The following CDC37L1 variants were observed in gnomAD, a reference collection of about 807,000 sequenced individuals.
CDC37L1 encodes hsp90 co-chaperone Cdc37-like 1.
In CDC37L1, 32 loss-of-function variants were observed where a neutral mutation model predicts 45.9. That is an observed-to-expected ratio of 0.70 (90% CI 0.53 to 0.94). The LOEUF (loss-of-function observed/expected upper bound fraction) is 0.94, where lower values mean the gene tolerates loss of function less well. Among genes scored for constraint, CDC37L1 ranks in the 40% least tolerant of loss-of-function variants. The pLI, the probability that CDC37L1 is intolerant of heterozygous loss-of-function variation, is 0.00. For missense variants in CDC37L1, 434 were observed against 405.7 expected (o/e 1.07, Z -0.60); for synonymous variants, 150 against 133.0 (o/e 1.13, Z -0.88).
At chr9:4,693,533 G>C (rs1841320814) in intron 3 of CDC37L1, among the ~76,000 whole-genome samples, 1 of 152,068 alleles carries the variant, frequency 6.6e-6, no homozygotes. Context: ...GGAAGGACGT[G>C]TATTTCAGGA....
intron 2 of CDC37L1, among the ~76,000 whole-genome samples, chr9:4,687,260 G>A (rs1215240328): frequency 6.6e-6 from 1 of 152,146 alleles, no homozygotes; most frequent in Non-Finnish European, 1.5e-5. Context: ...TTTCTAGCTA[G>A]ATACAAACTT....
intron 1 of CDC37L1, 69 bp downstream of exon 1, chr9:4,679,968 C>T (rs1392424830): frequency 1.1e-5 from 17 of 1,571,222 alleles, no homozygotes; most frequent in Non-Finnish European, 1.5e-5. Context: ...AATGCCGCGT[C>T]TCCCAGACCC....
At position 4,688,569 on chromosome 9, in the gene CDC37L1, A is replaced by G. The variant is rs1841272447; in HGVS notation, c.471A>G (p.Ser157=). 6.6e-7 allele frequency: 1 copy of G among 1,526,292 alleles called. No homozygotes were observed. The highest frequency in any genetic ancestry group is 8.8e-7 in the Non-Finnish European group (1 of 1,133,544). 94.5% of individuals were successfully genotyped at this position (1,526,292 alleles called of 1,614,324 possible). Residue 157 remains serine, a synonymous_variant, in exon 3 of 7, where the codon TCA becomes TCG. Coordinates refer to ENST00000381854, the MANE Select transcript of CDC37L1 (RefSeq NM_017913.4). ...KDTEDEDKSE[S]FMQKYEQKIR... is the part of the protein sequence containing the mutation. Reference sequence around the variant, plus strand: ...CAGAAGATGAAGATAAATCAGAATCATTTATGCAAAAATATGAGCAAAAAA... The same window carrying G: ...CAGAAGATGAAGATAAATCAGAATCGTTTATGCAAAAATATGAGCAAAAAA...
chr9:4,707,435 C>T lies in CDC37L1; in HGVS notation c.*1323C>T, dbSNP rs944073776. 5.9e-5 allele frequency: 9 copies of T among 152,314 alleles called. No homozygotes were observed. The highest frequency in any genetic ancestry group is 2.2e-4 in the African/African-American group (9 of 41,560). 9.4% of individuals were successfully genotyped at this position (152,314 alleles called of 1,614,324 possible). On this transcript the variant is annotated 3_prime_UTR_variant, in exon 7 of 7. Transcript: ENST00000381854. Reference sequence around the variant, plus strand: ...TAACTGGGACTGGGAATACGTGTCTCAACTTGAGAAACCAAATAGTGCGAA... The same window carrying T: ...TAACTGGGACTGGGAATACGTGTCTTAACTTGAGAAACCAAATAGTGCGAA...
chr9:4,684,783 T>G, intron 1 of CDC37L1, 94 bp from the exon 2 acceptor site: 1 of 869,548 alleles, frequency 1.2e-6, no homozygotes, highest in Non-Finnish European at 1.8e-6. Context: ...TACCAAAATA[T>G]TGTACAGAAA....
chr9:4,697,748 CT>C lies in CDC37L1; in HGVS notation c.625-4del. 3 of 1,390,088 alleles carry C rather than the reference CT, an allele frequency of 2.2e-6. No homozygotes were observed. Among genetic ancestry groups the C allele is most frequent in the South Asian group, 1.2e-5 (1 of 80,326 alleles). The allele number at this position is 1,390,088 out of a possible 1,614,324, so 86.1% of individuals were successfully genotyped here. A position where few individuals can be genotyped will look rare whatever the true frequency, so the allele number is the denominator to read the frequency against. ...TATTTGTTTCTTATATCATTTAAATCTTTTTCAGAAAGGGGCTTTAATGGAA... is the reference window on the plus strand; with the variant it reads ...TATTTGTTTCTTATATCATTTAAATCTTTTCAGAAAGGGGCTTTAATGGAA... On this transcript the variant is annotated splice_polypyrimidine_tract_variant and splice_region_variant and intron_variant, in intron 4 of 6. Transcript: ENST00000381854.
At chr9:4,704,831 AAAT>A (rs1395977577) in intron 6 of CDC37L1, among the ~76,000 whole-genome samples, 1 of 152,124 alleles carries the variant, frequency 6.6e-6, no homozygotes, top group Non-Finnish European at 1.5e-5. Context: ...TTGGATATAG[AAAT>A]AATAACAGTT....
intron 4 of CDC37L1, among the ~76,000 whole-genome samples, chr9:4,697,438 C>A (rs1327485911): frequency 6.6e-6 from 1 of 152,046 alleles, no homozygotes; most frequent in African/African-American, 2.4e-5. Flanking sequence ...TATGCTTTCT[C>A]TGCCACTCCA....
Position 4,688,606 on chromosome 9 carries a change from G to T in CDC37L1, c.508G>T (p.Gly170Cys). Reference sequence around the variant, plus strand: ...ATATGAGCAAAAAATCAGACATTTTGGTAAGTCTACTACTTGGATTTCCTT... The same window carrying T: ...ATATGAGCAAAAAATCAGACATTTTTGTAAGTCTACTACTTGGATTTCCTT... Reference protein sequence around the residue: ...QKYEQKIRHFGMLSRWDDSQR... With the variant: ...QKYEQKIRHFCMLSRWDDSQR... Residue 170 changes from glycine (G) to cysteine (C), a missense_variant and splice_region_variant, in exon 3 of 7, where the codon GGT (glycine) becomes TGT (cysteine). Physicochemically the swap from Gly to Cys is radical, Grantham distance 159. Coordinates refer to ENST00000381854, the MANE Select transcript of CDC37L1 (RefSeq NM_017913.4). The T allele has an allele frequency of 2.0e-6, 3 of 1,501,112 alleles. No individual in the cohort carries two copies. Among genetic ancestry groups the T allele is most frequent in the South Asian group, 2.6e-5 (2 of 77,046 alleles). The allele number at this position is 1,501,112 out of a possible 1,614,324, so 93.0% of individuals were successfully genotyped here.
chr9:4,702,749 C>T lies in CDC37L1; in HGVS notation c.912+721C>T, dbSNP rs149589068. On this transcript the variant is annotated intron_variant, in intron 6 of 6. Transcript: ENST00000381854. ...AAAAAATACAAAAAAATTAGCCGGGCGTGGTGGCAGGCACCTGCAGTCCCA... is the reference window on the plus strand; with the variant it reads ...AAAAAATACAAAAAAATTAGCCGGGTGTGGTGGCAGGCACCTGCAGTCCCA... Among the ~76,000 whole-genome samples the T allele has an allele frequency of 9.3e-3, 1,405 of 151,538 alleles. 21 individuals carry two copies. The highest frequency in any genetic ancestry group is 0.033 in the African/African-American group (1,354 of 41,348).
At chr9:4,693,263 G>C (rs1841317351) in intron 3 of CDC37L1, among the ~76,000 whole-genome samples, 1 of 147,182 alleles carries the variant, frequency 6.8e-6, no homozygotes, top group Non-Finnish European at 1.5e-5. Context: ...GCAACACAGT[G>C]AAACCTCATC....
chr9:4,679,858 A>C lies in CDC37L1; in HGVS notation c.91A>C (p.Ser31Arg), dbSNP rs376094853. The change falls in exon 1 of 7, where the codon AGT (serine) becomes CGT (arginine). Residue 31 changes from serine (S) to arginine (R), a missense_variant. Coordinates refer to ENST00000381854, the MANE Select transcript of CDC37L1 (RefSeq NM_017913.4). The part of the protein sequence containing the change: ...EEESDFDVFP[S>R]SPRCPQLPGG... ...AGAGAGTGACTTCGACGTGTTCCCC[A>C]GTTCTCCCCGCTGCCCGCAGCTGCC... The C allele has an allele frequency of 1.2e-6, 2 of 1,613,920 alleles. No homozygotes were observed. Among genetic ancestry groups the C allele is most frequent in the South Asian group, 2.2e-5 (2 of 91,084 alleles).
At chr9:4,681,169 A>G (rs1422588371) in intron 1 of CDC37L1, among the ~76,000 whole-genome samples, 1 of 152,246 alleles carries the variant, frequency 6.6e-6, no homozygotes, top group African/African-American at 2.4e-5. Flanking sequence ...TTTTGAAGGC[A>G]TATGAAGAGA....
chr9:4,701,944 A>C lies in CDC37L1; in HGVS notation c.828A>C (p.Ser276=), dbSNP rs753201074. 6.3e-7 allele frequency: 1 copy of C among 1,594,930 alleles called. No homozygotes were observed. The highest frequency in any genetic ancestry group is 8.5e-7 in the Non-Finnish European group (1 of 1,171,812). The change falls in exon 6 of 7, where the codon TCA becomes TCC. Residue 276 remains serine, a synonymous_variant. Coordinates refer to ENST00000381854, the MANE Select transcript of CDC37L1 (RefSeq NM_017913.4). ...FKSRVRLYSQ[S]QSFQPMTVQN... is the part of the protein sequence containing the mutation. ...CAAGAGTAAGACTTTATTCTCAATC[A>C]CAAAGTTTTCAACCTATGACAGTTC...
At chr9:4,681,637 C>CA (rs200931844) in intron 1 of CDC37L1, among the ~76,000 whole-genome samples, 7 of 148,208 alleles carry the variant, frequency 4.7e-5, no homozygotes, top group African/African-American at 1.2e-4. Flanking sequence ...ACTCTTGTCT[C>CA]AAAAAAAAAA....
chr9:4,694,270 C>T (rs1029468817), intron 3 of CDC37L1, among the ~76,000 whole-genome samples: 1 of 152,064 alleles, frequency 6.6e-6, no homozygotes, highest in African/African-American at 2.4e-5. Context: ...TGTGGAGACA[C>T]GGTCTCATTT....
At chr9:4,697,598 A>T (rs1408446611) in intron 4 of CDC37L1, among the ~76,000 whole-genome samples, 159 bp from the exon 5 acceptor site, 2 of 152,110 alleles carry the variant, frequency 1.3e-5, no homozygotes, top group East Asian at 3.8e-4. Context: ...CAAATAATAA[A>T]AAAAAAACTA....
rs1204635645 is a variant in CDC37L1, at chr9:4,679,778, C to T, written c.11C>T (p.Pro4Leu). The T allele has an allele frequency of 1.1e-5, 18 of 1,612,680 alleles. No individual in the cohort carries two copies. The highest frequency in any genetic ancestry group is 1.4e-5 in the Non-Finnish European group (17 of 1,179,376). ...CCGGAGCAGCCGGACATGGAACAAC[C>T]GTGGCCGCCTCCGGGACCCTGGAGC... MEQ[P>L]WPPPGPWSLP... The change falls in exon 1 of 7, where the codon CCG becomes CTG. Residue 4 changes from proline to leucine, a missense_variant. Transcript: ENST00000381854.
At chr9:4,705,033 C>G (rs767071422) in intron 6 of CDC37L1, among the ~76,000 whole-genome samples, 26 of 152,146 alleles carry the variant, frequency 1.7e-4, no homozygotes, top group Non-Finnish European at 3.7e-4. Flanking sequence ...CGAACTCCAG[C>G]TAGCTTTTTG....
Sources: gnomAD v4.1 joint callset for allele counts (sites outside exome capture counted in the v4.1 genomes callset) on GRCh38, gnomAD v4.1.1 for gene constraint, MANE v1.5 for transcripts, NCBI Gene and HGNC (gene_info 2026-07-23, HGNC 2026-07-21) for gene names.